Variants in WDR37 observed in about 807,000 individuals in gnomAD.
WDR37 encodes WD repeat-containing protein 37.
WDR37 carries 19 observed loss-of-function variants against 62.9 expected under a neutral mutation model. The observed-to-expected ratio is 0.30, with a 90% CI of 0.21 to 0.44. The LOEUF (loss-of-function observed/expected upper bound fraction) is 0.44. WDR37 is among the 20% of genes least tolerant of loss of function. The pLI, the probability that WDR37 is intolerant of heterozygous loss-of-function variation, is 1.00. For synonymous variants in WDR37, 250 were observed against 260.9 expected, an observed-to-expected ratio of 0.96 and a Z score of 0.40; for missense variants, 474 against 657.6, an observed-to-expected ratio of 0.72 and a Z score of 3.05.
At chr10:1,089,672 TTCCCGTGCTCACCCGCAGTTC>T (rs1834319383) in intron 7 of WDR37, among the ~76,000 whole-genome samples, 1 of 150,928 alleles carries the variant, frequency 6.6e-6, no homozygotes, top group Non-Finnish European at 1.5e-5. Flanking sequence ...CAGTTCGGCC[TTCCCGTGCTCACCCGCAGTTC>T]GGCCTTCCCG....
rs766331970 is a variant in WDR37, at chr10:1,103,598, G to A, written c.727-4G>A. ...TTCTTTTCTGGCCTTCCCTTTGGCA[G>A]CAGATATCTGGGGAAGATGAAGTAG... On this transcript the variant is annotated splice_region_variant and splice_polypyrimidine_tract_variant and intron_variant, in intron 9 of 13. Transcript: ENST00000263150. This position sits in a 1 kb window ranked among gnomAD's most constrained non-coding sequence, Gnocchi z 6.3. The A allele has an allele frequency of 7.3e-5, 117 of 1,612,560 alleles. No homozygotes were observed. Among genetic ancestry groups the A allele is most frequent in the Non-Finnish European group, 9.3e-5 (110 of 1,178,860 alleles).
intron 1 of WDR37, among the ~76,000 whole-genome samples, chr10:1,071,176 C>T (rs1833717092): frequency 6.6e-6 from 1 of 152,180 alleles, no homozygotes; most frequent in African/African-American, 2.4e-5. Context: ...CCAGTCTTTT[C>T]TCTAAAAGAA....
At chr10:1,068,292 T>G (rs1833615828) in intron 1 of WDR37, among the ~76,000 whole-genome samples, 1 of 151,032 alleles carries the variant, frequency 6.6e-6, no homozygotes, top group Non-Finnish European at 1.5e-5. Context: ...CCATCCTGGT[T>G]AACACTGTGA....
chr10:1,068,551 C>G (rs1408265589), intron 1 of WDR37, among the ~76,000 whole-genome samples: 4 of 152,054 alleles, frequency 2.6e-5, no homozygotes, highest in African/African-American at 9.7e-5. Context: ...CAAAATTTCT[C>G]ATGTATGACA....
chr10:1,123,534 TAG>T (rs1182467827), intron 11 of WDR37, among the ~76,000 whole-genome samples: 3 of 152,198 alleles, frequency 2.0e-5, no homozygotes, highest in Non-Finnish European at 4.4e-5. Flanking sequence ...TAGCACGTGT[TAG>T]AGTTTCTTTT....
chr10:1,099,202 G>C (rs1272850864), intron 9 of WDR37, among the ~76,000 whole-genome samples: 1 of 152,234 alleles, frequency 6.6e-6, no homozygotes, highest in Non-Finnish European at 1.5e-5. Context: ...AAAGAGGCCT[G>C]AATGTTTCTC....
At chr10:1,071,130 T>C (rs1030506987) in intron 1 of WDR37, among the ~76,000 whole-genome samples, 1 of 152,250 alleles carries the variant, frequency 6.6e-6, no homozygotes, top group Non-Finnish European at 1.5e-5. Flanking sequence ...TACGCTGATA[T>C]ATTCACAGAA....
Position 1,105,143 on chromosome 10 carries a change from A to T in WDR37, c.979A>T (p.Thr327Ser). ...GGTTACAGGGCACGACCAGGAGTTG[A>T]CGCACTGCTGCACACACCCCACCCA... ...HSLTGHDQELTHCCTHPTQRL... is the reference protein window; with the variant it reads ...HSLTGHDQELSHCCTHPTQRL... The change falls in exon 11 of 14, where the codon ACG (threonine) becomes TCG (serine). Residue 327 changes from threonine (T) to serine (S), a missense_variant. Thr to Ser is a moderately conservative substitution (Grantham distance 58). Coordinates refer to ENST00000263150, the MANE Select transcript of WDR37 (RefSeq NM_014023.4). This position sits in a 1 kb window ranked among gnomAD's most constrained non-coding sequence, Gnocchi z 5.3. The T allele has an allele frequency of 6.2e-7, 1 of 1,614,046 alleles. No homozygotes were observed. The highest frequency in any genetic ancestry group is 8.5e-7 in the Non-Finnish European group (1 of 1,179,990).
chr10:1,110,084 A>T (rs774640204), intron 11 of WDR37, among the ~76,000 whole-genome samples: 4 of 152,184 alleles, frequency 2.6e-5, no homozygotes, highest in Non-Finnish European at 5.9e-5. Context: ...TCAAATTATC[A>T]TGAACTAGCG....
chr10:1,120,936 A>G (rs1835558482), intron 11 of WDR37, among the ~76,000 whole-genome samples: 3 of 152,220 alleles, frequency 2.0e-5, no homozygotes, highest in South Asian at 4.1e-4. Flanking sequence ...CCGCGGAGGG[A>G]GCGGAATGTT....
At chr10:1,070,247 A>G (rs898298079) in intron 1 of WDR37, among the ~76,000 whole-genome samples, 1 of 151,918 alleles carries the variant, frequency 6.6e-6, no homozygotes, top group African/African-American at 2.4e-5. Context: ...CATAACTCAC[A>G]TGACTGTTTT....
intron 1 of WDR37, among the ~76,000 whole-genome samples, chr10:1,065,053 CAAAT>C (rs991612258): frequency 5.9e-5 from 9 of 151,988 alleles, no homozygotes; most frequent in Admixed American, 4.6e-4. Flanking sequence ...ATGAAAATAA[CAAAT>C]AAAGGAAATT....
chr10:1,104,986 C>A, intron 10 of WDR37, 140 bp from the exon 11 acceptor site: 5 of 1,039,176 alleles, frequency 4.8e-6, no homozygotes, highest in Non-Finnish European at 6.6e-6. Flanking sequence ...CCACTGTGAC[C>A]CACATGCTGC....
At chr10:1,091,397 C>T (rs1239428925) in intron 7 of WDR37, among the ~76,000 whole-genome samples, 2 of 152,174 alleles carry the variant, frequency 1.3e-5, no homozygotes, top group East Asian at 3.8e-4. Context: ...ACGGTTTCCA[C>T]CAGTTTTTCC....
intron 11 of WDR37, among the ~76,000 whole-genome samples, chr10:1,111,022 T>G (rs180934848): frequency 7.0e-4 from 107 of 152,382 alleles, no homozygotes; most frequent in African/African-American, 2.4e-3. Flanking sequence ...TTAGGAAGTT[T>G]GCTGTTCTTG....
Position 1,072,251 on chromosome 10 carries a change from G to C in WDR37, c.96G>C (p.Glu32Asp). ...SLSIRRTNSS[E>D]QERTGLPRDM... ...CTATACGAAGAACTAACAGCTCGGA[G>C]CAGGAGAGGACGGGACTGCCAAGAG... The change falls in exon 2 of 14, where the codon GAG becomes GAC. Residue 32 changes from glutamate (E) to aspartate (D), a missense_variant. Physicochemically the swap from Glu to Asp is conservative, Grantham distance 45 (BLOSUM62 2). Coordinates refer to ENST00000263150, the MANE Select transcript of WDR37 (RefSeq NM_014023.4). The C allele has an allele frequency of 6.2e-7, 1 of 1,614,232 alleles. No individual in the cohort carries two copies. Among genetic ancestry groups the C allele is most frequent in the South Asian group, 1.1e-5 (1 of 91,084 alleles).
chr10:1,102,102 A>G (rs900845052), intron 9 of WDR37, among the ~76,000 whole-genome samples: 1 of 144,612 alleles, frequency 6.9e-6, no homozygotes, highest in Non-Finnish European at 1.5e-5. Flanking sequence ...CGTCCCTGTG[A>G]CGTGTGTTCC....
intron 11 of WDR37, among the ~76,000 whole-genome samples, chr10:1,112,851 G>T (rs2101051): frequency 0.12 from 18,388 of 152,244 alleles, 1,517 homozygotes; most frequent in Non-Finnish European, 0.18. Context: ...TGGTTTATGA[G>T]GTTTAAGGAA....
intron 11 of WDR37, among the ~76,000 whole-genome samples, chr10:1,106,814 G>T (rs1835038613): frequency 6.6e-6 from 1 of 152,182 alleles, no homozygotes; most frequent in African/African-American, 2.4e-5. Context: ...ATCGCGTCTG[G>T]CCAGGACAAC....
Sources: allele counts gnomAD v4.1 joint callset (sites outside exome capture counted in the v4.1 genomes callset), GRCh38; gene constraint gnomAD v4.1.1; non-coding constraint Gnocchi (gnomAD v3.1); transcripts MANE v1.5; gene names NCBI Gene and HGNC (gene_info 2026-07-23, HGNC 2026-07-21).